The following CDH1 variants were observed in gnomAD, a reference collection of about 807,000 sequenced individuals.
CDH1 encodes the protein cadherin-1.
A neutral mutation model predicts 84.5 loss-of-function variants in CDH1; 35 were observed. The observed-to-expected ratio is 0.41, with a 90% CI of 0.32 to 0.55. CDH1 has a LOEUF of 0.55. Ranked by LOEUF, CDH1 falls within the 20% of genes least tolerant of loss-of-function variation. The probability of loss-of-function intolerance (pLI) is 0.19; values close to 1 mark genes in which losing one functional copy is unlikely to be tolerated. For synonymous variants in CDH1, 417 were observed against 439.0 expected, an observed-to-expected ratio of 0.95 and a Z score of 0.63; for missense variants, 994 against 1,126.6, an observed-to-expected ratio of 0.88 and a Z score of 1.68.
At chr16:68,809,707 G>A (rs1193269148) in intron 5 of CDH1, among the ~76,000 whole-genome samples, 1 of 151,546 alleles carries the variant, frequency 6.6e-6, no homozygotes, top group East Asian at 1.9e-4. Flanking sequence ...TGTATTTTTT[G>A]TAGAAACAAG....
At chr16:68,792,184 G>A (rs1960225058) in intron 2 of CDH1, among the ~76,000 whole-genome samples, 1 of 149,806 alleles carries the variant, frequency 6.7e-6, no homozygotes, top group African/African-American at 2.5e-5. Context: ...GCCTCCCAAA[G>A]TGCTGTGATT....
intron 1 of CDH1, 106 bp from the exon 2 acceptor site, chr16:68,738,191 C>T: frequency 2.6e-6 from 2 of 774,936 alleles, no homozygotes; most frequent in Non-Finnish European, 4.3e-6. Flanking sequence ...GGGGTCCTCC[C>T]CCAATCCCGA....
chr16:68,741,354 G>A (rs974666317), intron 2 of CDH1, among the ~76,000 whole-genome samples: 3 of 152,126 alleles, frequency 2.0e-5, no homozygotes, highest in African/African-American at 7.2e-5. Flanking sequence ...TTAAAAGGCC[G>A]CTAGGACTTG....
At position 68,801,774 on chromosome 16, in the gene CDH1, C is replaced by T. The variant is rs730881661; in HGVS notation, c.268C>T (p.Arg90Trp). 29 of 1,614,134 alleles carry T rather than the reference C, an allele frequency of 1.8e-5. No individual in the cohort carries two copies. Among genetic ancestry groups the T allele is most frequent in the East Asian group, 8.9e-5 (4 of 44,890 alleles). Residue 90 changes from arginine (R) to tryptophan (W), a missense_variant, in exon 3 of 16, where the codon CGG (arginine) becomes TGG (tryptophan). Physicochemically the swap from Arg to Trp is moderately radical, Grantham distance 101. Coordinates refer to ENST00000261769, the MANE Select transcript of CDH1 (RefSeq NM_004360.5). ...TGTGATTACAGTCAAAAGGCCTCTACGGTTTCATAACCCACAGATCCATTT... is the reference window on the plus strand; with the variant it reads ...TGTGATTACAGTCAAAAGGCCTCTATGGTTTCATAACCCACAGATCCATTT... ...DGVITVKRPL[R>W]FHNPQIHFLV...
At chr16:68,798,263 G>A (rs1960415147) in intron 2 of CDH1, among the ~76,000 whole-genome samples, 1 of 152,118 alleles carries the variant, frequency 6.6e-6, no homozygotes, top group Non-Finnish European at 1.5e-5. Flanking sequence ...TTATGGGCAT[G>A]TTGAAATATA....
intron 13 of CDH1, among the ~76,000 whole-genome samples, chr16:68,824,076 C>A (rs959026373): frequency 1.4e-5 from 2 of 148,106 alleles, no homozygotes; most frequent in Non-Finnish European, 3.0e-5. Context: ...CAGCTCACTG[C>A]ACCCTCTGCT....
At chr16:68,743,692 G>A (rs116607960) in intron 2 of CDH1, among the ~76,000 whole-genome samples, 1 of 151,984 alleles carries the variant, frequency 6.6e-6, no homozygotes, top group African/African-American at 2.4e-5. Flanking sequence ...TCCTGCCTCA[G>A]CTCTATCTCC....
At chr16:68,768,355 A>C (rs1289415090) in intron 2 of CDH1, among the ~76,000 whole-genome samples, 4 of 152,240 alleles carry the variant, frequency 2.6e-5, no homozygotes, top group African/African-American at 9.6e-5. Flanking sequence ...GACTCTGAGC[A>C]AAGAGGAAAA....
chr16:68,802,321 C>T (rs1960538667), intron 3 of CDH1, among the ~76,000 whole-genome samples: 1 of 152,166 alleles, frequency 6.6e-6, no homozygotes, highest in East Asian at 1.9e-4. Flanking sequence ...TATGCTTGAG[C>T]TTCCTTATCT....
At chr16:68,776,885 G>A (rs984506784) in intron 2 of CDH1, among the ~76,000 whole-genome samples, 2 of 152,094 alleles carry the variant, frequency 1.3e-5, no homozygotes, top group Non-Finnish European at 2.9e-5. Context: ...ATTGCCATTC[G>A]GCCCATCTTA....
chr16:68,777,020 T>C (rs17772411), intron 2 of CDH1, among the ~76,000 whole-genome samples: 44,551 of 152,038 alleles, frequency 0.29, 6,633 homozygotes, highest in Middle Eastern at 0.34. Context: ...CACCGTGCAG[T>C]CCCAAGCTTG....
At chr16:68,831,902 A>C (rs1961494514) in intron 15 of CDH1, among the ~76,000 whole-genome samples, 1 of 152,146 alleles carries the variant, frequency 6.6e-6, no homozygotes, top group Non-Finnish European at 1.5e-5. Flanking sequence ...TTTGCAAGTC[A>C]TCACTTGTAT....
At chr16:68,801,422 T>C (rs1960494645) in intron 2 of CDH1, among the ~76,000 whole-genome samples, 1 of 152,150 alleles carries the variant, frequency 6.6e-6, no homozygotes, top group Admixed American at 6.6e-5. Context: ...AGTCGAGAAG[T>C]TACTTTCTAG....
intron 15 of CDH1, among the ~76,000 whole-genome samples, chr16:68,832,495 A>G (rs1961512064): frequency 6.6e-6 from 1 of 151,490 alleles, no homozygotes; most frequent in Non-Finnish European, 1.5e-5. Context: ...AAATAAATAA[A>G]TATACTTTAT....
intron 2 of CDH1, among the ~76,000 whole-genome samples, chr16:68,787,911 C>T (rs781522110): frequency 4.7e-5 from 7 of 149,996 alleles, no homozygotes; most frequent in South Asian, 2.1e-4. Flanking sequence ...CCGCAACCTC[C>T]GCCTCCTGGG....
At chr16:68,763,937 A>T (rs1050583384) in intron 2 of CDH1, among the ~76,000 whole-genome samples, 1 of 152,158 alleles carries the variant, frequency 6.6e-6, no homozygotes, top group Non-Finnish European at 1.5e-5. Context: ...TGCAAGGACA[A>T]CCTGGGCGAG....
At chr16:68,799,266 C>A (rs531303446) in intron 2 of CDH1, among the ~76,000 whole-genome samples, 1 of 152,072 alleles carries the variant, frequency 6.6e-6, no homozygotes, top group Non-Finnish European at 1.5e-5. Flanking sequence ...CTTCAAGTTG[C>A]GGAAGTGAGT....
At chr16:68,819,957 G>A (rs34482077) in intron 11 of CDH1, among the ~76,000 whole-genome samples, 2 of 152,126 alleles carry the variant, frequency 1.3e-5, no homozygotes, top group African/African-American at 4.8e-5. Context: ...CCAGCACTTA[G>A]AGAGGCTGAG....
chr16:68,805,316 C>A (rs1232260467), intron 3 of CDH1, among the ~76,000 whole-genome samples: 1 of 151,866 alleles, frequency 6.6e-6, no homozygotes, highest in Non-Finnish European at 1.5e-5. Context: ...CACCGTGCCC[C>A]ACCTGGTATC....
Sources: gnomAD v4.1 joint callset for allele counts (sites outside exome capture counted in the v4.1 genomes callset) on GRCh38, gnomAD v4.1.1 for gene constraint, MANE v1.5 for transcripts, NCBI Gene and HGNC (gene_info 2026-07-23, HGNC 2026-07-21) for gene names.